Variants in EVI5L observed in about 807,000 individuals in gnomAD.
The protein encoded by EVI5L is ecotropic viral integration site 5 like, also known as EVI5-like protein.
In EVI5L, 30 loss-of-function variants were observed where a neutral mutation model predicts 106.1. The ratio of observed to expected loss-of-function variants is 0.28; its 90% confidence interval spans 0.21 to 0.38. The LOEUF is 0.38. Among genes scored for constraint, EVI5L ranks in the 10% least tolerant of loss-of-function variants. EVI5L has a pLI of 1.00. For synonymous variants in EVI5L, 489 were observed against 483.3 expected (o/e 1.01, Z -0.15); for missense variants, 809 against 1,098.0 (o/e 0.74, Z 3.72).
chr19:7,861,121 A>G (rs996856055), intron 14 of EVI5L, among the ~76,000 whole-genome samples: 2 of 152,110 alleles, frequency 1.3e-5, no homozygotes, highest in Non-Finnish European at 1.5e-5. Context: ...CCACTCTCCC[A>G]CGGAGCTCCC....
Position 7,862,235 on chromosome 19 carries a change from G to T in EVI5L, c.1758G>T (p.Glu586Asp). 1.9e-6 allele frequency: 3 copies of T among 1,573,670 alleles called. No individual in the cohort carries two copies. The highest frequency in any genetic ancestry group is 1.7e-6 in the Non-Finnish European group (2 of 1,160,470). Reference sequence around the variant, plus strand: ...TGCGCGAGGCCCAGGCCCTGGCCGAGGGCCGCGAGCTGCGGCAGCGCGTGG... The same window carrying T: ...TGCGCGAGGCCCAGGCCCTGGCCGATGGCCGCGAGCTGCGGCAGCGCGTGG... ...VRLREAQALA[E>D]GRELRQRVVE... Residue 586 changes from glutamate to aspartate, a missense_variant, in exon 16 of 20, where the codon GAG (glutamate) becomes GAT (aspartate). Transcript: ENST00000538904.
In EVI5L at chr19:7,863,488, C is replaced by T. The variant is rs1979958592; in HGVS notation, c.2204C>T (p.Ala735Val). The T allele has an allele frequency of 5.1e-6, 8 of 1,577,596 alleles. No homozygotes were observed. The highest frequency in any genetic ancestry group is 6.9e-6 in the Non-Finnish European group (8 of 1,162,954). The change falls in exon 20 of 20, where the codon GCG (alanine) becomes GTG (valine). Residue 735 changes from alanine to valine, a missense_variant. Physicochemically the swap from Ala to Val is moderately conservative, Grantham distance 64. Transcript: ENST00000538904. This position sits in a 1 kb window ranked among gnomAD's most constrained non-coding sequence, Gnocchi z 7.7. The stretch of plus-strand genomic sequence containing the variant: ...CTGGCTTTCGATGGGCTGAGCCTGG[C>T]GCGGCACTTGGACGAGGACTCGCTG... ...DPLAFDGLSL[A>V]RHLDEDSLPS...
intron 1 of EVI5L, among the ~76,000 whole-genome samples, chr19:7,844,178 C>A (rs1399851398): frequency 6.6e-6 from 1 of 151,560 alleles, no homozygotes; most frequent in Non-Finnish European, 1.5e-5. Flanking sequence ...TGGTGAAACC[C>A]CGTCTCTACT....
chr19:7,854,430 G>A (rs567657687), intron 10 of EVI5L, among the ~76,000 whole-genome samples: 1 of 152,220 alleles, frequency 6.6e-6, no homozygotes, highest in African/African-American at 2.4e-5. Flanking sequence ...GCTCTTCAGG[G>A]GCAGAGCCGC....
chr19:7,843,586 G>T (rs1262914590), intron 1 of EVI5L, among the ~76,000 whole-genome samples: 1 of 149,528 alleles, frequency 6.7e-6, no homozygotes, highest in Non-Finnish European at 1.5e-5. Flanking sequence ...GAATAGGCAT[G>T]GGTGTGTGTC....
In EVI5L at chr19:7,857,271, G is replaced by T; in HGVS notation, c.1233+147G>T. On this transcript the variant is annotated intron_variant, in intron 12 of 19. Transcript: ENST00000538904. This position sits in a 1 kb window ranked among gnomAD's most constrained non-coding sequence, Gnocchi z 4.5. ...GAGCAGCTGGGGACCGCTTCTGGGG[G>T]ACACAGAGGCTTCCCGGGGGGGCGG... 1.8e-6 allele frequency: 2 copies of T among 1,089,022 alleles called. No homozygotes were observed. Among genetic ancestry groups the T allele is most frequent in the Non-Finnish European group, 2.7e-6 (2 of 736,322 alleles). 67.5% of individuals were successfully genotyped at this position (1,089,022 alleles called of 1,614,324 possible).
At chr19:7,843,498 T>C (rs928692759) in intron 1 of EVI5L, among the ~76,000 whole-genome samples, 1 of 146,784 alleles carries the variant, frequency 6.8e-6, no homozygotes, top group Admixed American at 6.8e-5. Context: ...TGTGCATGTG[T>C]ATAGGTGTAT....
At chr19:7,846,359 C>T (rs372658322) in intron 1 of EVI5L, 137 bp from the exon 2 acceptor site, 33 of 701,104 alleles carry the variant, frequency 4.7e-5, no homozygotes, top group African/African-American at 1.5e-4. Context: ...TGGGCTGGGG[C>T]GCATGGGGAT....
Position 7,847,777 on chromosome 19 carries a change from G to A in EVI5L, c.183G>A (p.Ser61=), listed in dbSNP as rs771840893. The change falls in exon 3 of 20, where the codon TCG becomes TCA. Residue 61 remains serine (S), a synonymous_variant. Transcript: ENST00000538904. ...AGTCCATGCGCTCCATGAATGGCTC[G>A]CGGCGGAACAGTGGCTCCTCGCTAG... The part of the protein sequence containing the change: ...DSKSMRSMNG[S]RRNSGSSLVS... The A allele has an allele frequency of 4.3e-6, 7 of 1,612,866 alleles. No homozygotes were observed. Among genetic ancestry groups the A allele is most frequent in the East Asian group, 2.2e-5 (1 of 44,856 alleles).
In EVI5L at chr19:7,863,712, C is replaced by A; in HGVS notation, c.*10C>A. ...GGGTCTGGACAACTGAGGCCATGCC[C>A]AGCGCGCCCGGAGTCAGGAGGCCGC... On this transcript the variant is annotated 3_prime_UTR_variant, in exon 20 of 20. Transcript: ENST00000538904. This position sits in a 1 kb window ranked among gnomAD's most constrained non-coding sequence, Gnocchi z 7.7. 1 of 1,454,986 alleles carries A rather than the reference C, an allele frequency of 6.9e-7. No homozygotes were observed. Among genetic ancestry groups the A allele is most frequent in the East Asian group, 2.6e-5 (1 of 37,904 alleles). The allele number at this position is 1,454,986 out of a possible 1,614,324, so 90.1% of individuals were successfully genotyped here.
intron 1 of EVI5L, among the ~76,000 whole-genome samples, chr19:7,836,847 G>T (rs1372668122): frequency 7.3e-6 from 1 of 136,686 alleles, no homozygotes; most frequent in Non-Finnish European, 1.6e-5. Context: ...GGCCAGGCTG[G>T]TCTCGAACTC....
rs554036490 is a variant in EVI5L at position 7,843,993 on chromosome 19, G to A, written c.-47-2503G>A. 5.9e-5 allele frequency among the ~76,000 whole-genome samples: 9 copies of A among 152,126 alleles called. 1 individual carries two copies. In the South Asian group the frequency reaches 1.9e-3, roughly 32 times the overall value. ...TCCTGTATGAAATACACACACATTC[G>A]TGATAAATAGCTGAACAACCTCTGC... On this transcript the variant is annotated intron_variant, in intron 1 of 19. Transcript: ENST00000538904.
At chr19:7,838,436 T>A (rs1472579283) in intron 1 of EVI5L, among the ~76,000 whole-genome samples, 4 of 152,192 alleles carry the variant, frequency 2.6e-5, no homozygotes, top group African/African-American at 9.6e-5. Flanking sequence ...ATGGTTAGAC[T>A]GGGGTCTTGG....
In EVI5L at chr19:7,863,888, G is replaced by A. The variant is rs977538099; in HGVS notation, c.*186G>A. ...TCCGACCTGGGCTCCTCAGGGCCCC[G>A]GGGCAGGCTCTCTATCCCCAGCAGT... On this transcript the variant is annotated 3_prime_UTR_variant, in exon 20 of 20. Transcript: ENST00000538904. The surrounding 1 kb of genome is among the most constrained non-coding windows in gnomAD (Gnocchi z 7.7). The A allele has an allele frequency of 7.7e-6, 6 of 775,454 alleles. No homozygotes were observed. Among genetic ancestry groups the A allele is most frequent in the Admixed American group, 7.1e-5 (2 of 28,190 alleles). The allele number at this position is 775,454 out of a possible 1,614,324, so 48.0% of individuals were successfully genotyped here.
intron 1 of EVI5L, among the ~76,000 whole-genome samples, chr19:7,842,169 G>A (rs1978632378): frequency 6.8e-6 from 1 of 147,384 alleles, no homozygotes; most frequent in Admixed American, 7.0e-5. Flanking sequence ...TGTACTGTGT[G>A]TGTGAATGTG....
chr19:7,862,329 G>T, intron 16 of EVI5L, 52 bp downstream of exon 16: 1 of 1,583,266 alleles, frequency 6.3e-7, no homozygotes, highest in Non-Finnish European at 8.6e-7. Flanking sequence ...TCCGTGGCCA[G>T]CCCCTGAGTT....
rs764882517 is a variant in EVI5L, at chr19:7,849,979, C to T, written c.628-18C>T. The T allele has an allele frequency of 7.0e-5, 111 of 1,575,324 alleles. No homozygotes were observed. The highest frequency in any genetic ancestry group is 8.7e-5 in the Non-Finnish European group (101 of 1,160,562). ...CGCTGCGCTGCCCTGAGCCCCCCCA[C>T]CTGCCCGTCCCCCCTAGATGCCTGA... On this transcript the variant is annotated intron_variant, in intron 5 of 19. Transcript: ENST00000538904.
At chr19:7,854,101 G>A (rs775336565) in intron 10 of EVI5L, among the ~76,000 whole-genome samples, 3 of 151,950 alleles carry the variant, frequency 2.0e-5, no homozygotes, top group Admixed American at 6.6e-5. Context: ...GGCTAATGCA[G>A]TGAAACCCCG....
At position 7,858,484 on chromosome 19, in the gene EVI5L, A is replaced by G; in HGVS notation, c.1374+153A>G. The stretch of plus-strand genomic sequence containing the variant: ...GTAAGGGGAACCCAGAGACAAGCGC[A>G]GATTCTCCCCCAGCAGCTCCACATT... On this transcript the variant is annotated intron_variant, in intron 13 of 19. Coordinates refer to ENST00000538904, the MANE Select transcript of EVI5L (RefSeq NM_001159944.3). The surrounding 1 kb of genome is among the most constrained non-coding windows in gnomAD (Gnocchi z 5.7). 1.0e-6 allele frequency: 1 copy of G among 956,448 alleles called. No individual in the cohort carries two copies. Among genetic ancestry groups the G allele is most frequent in the Non-Finnish European group, 1.5e-6 (1 of 664,864 alleles). The allele number at this position is 956,448 out of a possible 1,614,324, so 59.2% of individuals were successfully genotyped here.
Sources: gnomAD v4.1 joint callset for allele counts (sites outside exome capture counted in the v4.1 genomes callset) on GRCh38, gnomAD v4.1.1 for gene constraint, Gnocchi (gnomAD v3.1) non-coding constraint, MANE v1.5 for transcripts, NCBI Gene and HGNC (gene_info 2026-07-23, HGNC 2026-07-21) for gene names.